Variants in TMEM132C observed in about 807,000 individuals in gnomAD.
The protein encoded by TMEM132C is protein phosphatase 1, regulatory subunit 152.
Under a neutral mutation model 61.4 loss-of-function variants are expected in TMEM132C, and 29 were observed. That is an observed-to-expected ratio of 0.47 (90% CI 0.35 to 0.64). The LOEUF (loss-of-function observed/expected upper bound fraction) is 0.64. Among genes scored for constraint, TMEM132C ranks in the 30% least tolerant of loss-of-function variants. The probability of loss-of-function intolerance (pLI) is 0.00; values close to 1 mark genes in which losing one functional copy is unlikely to be tolerated. For missense variants in TMEM132C, 1,408 were observed against 1,476.9 expected (o/e 0.95, Z 0.76); for synonymous variants, 656 against 633.1 (o/e 1.04, Z -0.54).
intron 1 of TMEM132C, among the ~76,000 whole-genome samples, chr12:128,325,266 A>G (rs1231260399): frequency 6.6e-6 from 1 of 152,242 alleles, no homozygotes; most frequent in Non-Finnish European, 1.5e-5. Flanking sequence ...TTCAATGCCC[A>G]GAATCCTCTT....
chr12:128,272,965 G>A (rs1480020300), intron 1 of TMEM132C, among the ~76,000 whole-genome samples: 3 of 152,190 alleles, frequency 2.0e-5, no homozygotes, highest in African/African-American at 4.8e-5. Flanking sequence ...TGGAAGAGCA[G>A]AGGTGTTACA....
intron 1 of TMEM132C, among the ~76,000 whole-genome samples, chr12:128,382,342 C>A (rs1361984301): frequency 6.6e-6 from 1 of 152,150 alleles, no homozygotes; most frequent in Non-Finnish European, 1.5e-5. Flanking sequence ...GATAAAAACA[C>A]AAGGTATTTT....
At chr12:128,484,194 A>C (rs1871409800) in intron 2 of TMEM132C, among the ~76,000 whole-genome samples, 1 of 152,238 alleles carries the variant, frequency 6.6e-6, no homozygotes, top group South Asian at 2.1e-4. Flanking sequence ...AATTCCCTTT[A>C]AAATGGAAAG....
At chr12:128,453,796 A>G (rs2136060630) in intron 2 of TMEM132C, among the ~76,000 whole-genome samples, 1 of 152,332 alleles carries the variant, frequency 6.6e-6, no homozygotes, top group East Asian at 1.9e-4. Context: ...GTTTCAGAAT[A>G]AGAAGAAGGA....
intron 1 of TMEM132C, among the ~76,000 whole-genome samples, chr12:128,334,447 T>C (rs538116940): frequency 4.6e-5 from 7 of 152,306 alleles, no homozygotes; most frequent in East Asian, 3.9e-4. Context: ...TCCATAGACA[T>C]GTAGGCCATC....
At chr12:128,695,239 G>T (rs887312308) in intron 6 of TMEM132C, among the ~76,000 whole-genome samples, 1 of 152,178 alleles carries the variant, frequency 6.6e-6, no homozygotes, top group East Asian at 1.9e-4. Context: ...TAACATTAGG[G>T]CTGGGTGTGG....
chr12:128,294,824 T>C (rs1683707), intron 1 of TMEM132C, among the ~76,000 whole-genome samples: 34,553 of 151,804 alleles, frequency 0.23, 4,384 homozygotes, highest in East Asian at 0.5. Flanking sequence ...AGACCTCCAT[T>C]CTGAAGAGGA....
At chr12:128,374,712 A>G (rs927662828) in intron 1 of TMEM132C, among the ~76,000 whole-genome samples, 1 of 151,892 alleles carries the variant, frequency 6.6e-6, no homozygotes, top group Non-Finnish European at 1.5e-5. Context: ...CCCACAGTGC[A>G]GAGATAAGGC....
chr12:128,335,856 T>C (rs1872779930), intron 1 of TMEM132C, among the ~76,000 whole-genome samples: 1 of 152,222 alleles, frequency 6.6e-6, no homozygotes, highest in African/African-American at 2.4e-5. Context: ...AAATGTATCC[T>C]TGCCCCCCAG....
rs1029355523 is a variant in TMEM132C, at chr12:128,584,617, C to T, written c.1122-31535C>T. Among the ~76,000 whole-genome samples, 12 of 152,252 alleles carry T rather than the reference C, an allele frequency of 7.9e-5. No homozygotes were observed. The East Asian group carries it at 1.5e-3, about 20-fold the overall frequency. ...TCCCCAACGTGCAGTTTTTCACTGC[C>T]GTCTTTCTGCTGCTCTTCACATGTG... On this transcript the variant is annotated intron_variant, in intron 3 of 8. Coordinates refer to ENST00000435159, the MANE Select transcript of TMEM132C (RefSeq NM_001136103.3).
rs372823149 is a variant in TMEM132C at position 128,575,439 on chromosome 12, A to G, written c.1121+31336A>G. On this transcript the variant is annotated intron_variant, in intron 3 of 8. Coordinates refer to ENST00000435159, the MANE Select transcript of TMEM132C (RefSeq NM_001136103.3). ...GGTTGCAGTGGGCCAAGATGGCGCC[A>G]TTGCACTCCAGCCTGGGCGACAGAG... 2.6e-3 allele frequency among the ~76,000 whole-genome samples: 391 copies of G among 152,272 alleles called. 2 individuals are homozygous for G. The highest frequency in any genetic ancestry group is 9.2e-3 in the African/African-American group (384 of 41,574).
At chr12:128,704,166 GA>G (rs1351250284) in intron 8 of TMEM132C, among the ~76,000 whole-genome samples, 6 of 152,302 alleles carry the variant, frequency 3.9e-5, no homozygotes, top group African/African-American at 1.4e-4. Flanking sequence ...GCCATAAAAA[GA>G]ATGAAATATT....
rs113462484 is a variant in TMEM132C at position 128,673,224 on chromosome 12, G to T, written c.1449+3664G>T. Among the ~76,000 whole-genome samples the T allele has an allele frequency of 4.6e-3, 697 of 152,278 alleles. 4 individuals carry two copies. The highest frequency in any genetic ancestry group is 0.012 in the African/African-American group (502 of 41,552). On this transcript the variant is annotated intron_variant, in intron 5 of 8. Transcript: ENST00000435159. Reference sequence around the variant, plus strand: ...TAGGAGGTAATTAGGCTTCAATGAGGGTGGAGCCCCACGATGGCAGTAGTA... The same window carrying T: ...TAGGAGGTAATTAGGCTTCAATGAGTGTGGAGCCCCACGATGGCAGTAGTA...
At chr12:128,409,355 C>T (rs1203195372) in intron 1 of TMEM132C, among the ~76,000 whole-genome samples, 2 of 152,090 alleles carry the variant, frequency 1.3e-5, no homozygotes, top group Non-Finnish European at 2.9e-5. Context: ...GCAACTTAGC[C>T]AGCTGAATCT....
intron 8 of TMEM132C, among the ~76,000 whole-genome samples, chr12:128,701,525 T>C (rs1350903643): frequency 6.6e-6 from 1 of 152,242 alleles, no homozygotes; most frequent in Non-Finnish European, 1.5e-5. Context: ...CAGAATTCTT[T>C]TTTTAATTGC....
chr12:128,385,986 A>G (rs181345857), intron 1 of TMEM132C, among the ~76,000 whole-genome samples: 1 of 152,096 alleles, frequency 6.6e-6, no homozygotes, highest in Non-Finnish European at 1.5e-5. Context: ...GAGCTGGGCT[A>G]TGGCCCCTGG....
At chr12:128,488,654 C>G (rs1197170631) in intron 2 of TMEM132C, among the ~76,000 whole-genome samples, 3 of 151,132 alleles carry the variant, frequency 2.0e-5, no homozygotes, top group African/African-American at 4.9e-5. Context: ...GATCATGACT[C>G]CATCTCAAAA....
chr12:128,508,843 C>G (rs1312991770), intron 2 of TMEM132C, among the ~76,000 whole-genome samples: 2 of 152,204 alleles, frequency 1.3e-5, no homozygotes, highest in African/African-American at 4.8e-5. Flanking sequence ...GTCATCATAT[C>G]ATACCATATC....
intron 1 of TMEM132C, among the ~76,000 whole-genome samples, chr12:128,382,309 T>C (rs760500891): frequency 3.9e-5 from 6 of 152,206 alleles, no homozygotes; most frequent in African/African-American, 1.4e-4. Context: ...AGACTGCCAC[T>C]GTAGGAATAT....
Sources: allele counts gnomAD v4.1 joint callset (sites outside exome capture counted in the v4.1 genomes callset), GRCh38; gene constraint gnomAD v4.1.1; transcripts MANE v1.5; gene names NCBI Gene and HGNC (gene_info 2026-07-23, HGNC 2026-07-21).